Variants in ZIM2 observed in about 807,000 individuals in gnomAD.
ZIM2 encodes zinc finger imprinted 2, also known as zinc finger protein 656.
In ZIM2, 14 loss-of-function variants were observed where a neutral mutation model predicts 38.6. The ratio of observed to expected loss-of-function variants is 0.36; its 90% CI spans 0.24 to 0.57. The LOEUF (loss-of-function observed/expected upper bound fraction) is 0.57, where lower values mean the gene tolerates loss of function less well. Ranked by LOEUF, ZIM2 falls within the 20% of genes least tolerant of loss-of-function variation. The pLI, the probability that ZIM2 is intolerant of heterozygous loss-of-function variation, is 0.81. For synonymous variants in ZIM2, 247 were observed against 245.8 expected (o/e 1.00, Z -0.04); for missense variants, 680 against 695.1 (o/e 0.98, Z 0.24).
At chr19:56,805,788 G>A (rs557694591) in intron 9 of ZIM2, among the ~76,000 whole-genome samples, 62 of 152,250 alleles carry the variant, frequency 4.1e-4, no homozygotes, top group South Asian at 3.5e-3. Flanking sequence ...ATTAAAGGAG[G>A]CTACTTTACA....
At position 56,811,814 on chromosome 19, in the gene ZIM2, C is replaced by T. The variant is rs8103783; in HGVS notation, c.490+5932G>A. 3,642 of 985,506 alleles carry T rather than the reference C, an allele frequency of 3.7e-3. 89 individuals carry two copies. In the African/African-American group the frequency reaches 0.055, roughly 15 times the overall value. 61.0% of individuals were successfully genotyped at this position (985,506 alleles called of 1,614,324 possible). ...CTTTTCCAAACTGCTCAGGACACCC[C>T]GCTCAATTCATTCTCAGAAACCTGG... On this transcript the variant is annotated intron_variant, in intron 9 of 12. Coordinates refer to ENST00000629319, the MANE Select transcript of ZIM2 (RefSeq NM_001387356.1).
At chr19:56,792,836 C>A (rs116967290) in intron 9 of ZIM2, among the ~76,000 whole-genome samples, 1,937 of 152,216 alleles carry the variant, frequency 0.013, 44 homozygotes, top group Non-Finnish European at 0.015. Context: ...ACCCAAACAC[C>A]AAATTTCTTT....
intron 9 of ZIM2, chr19:56,811,468 G>T: frequency 1.0e-6 from 1 of 968,588 alleles, no homozygotes; most frequent in Non-Finnish European, 1.2e-6. Context: ...TTTTTAAACA[G>T]TTGCATTAAG....
At chr19:56,816,569 T>C (rs1337674411) in intron 9 of ZIM2, 1 of 1,614,084 alleles carries the variant, frequency 6.2e-7, no homozygotes, top group Admixed American at 1.7e-5. Flanking sequence ...TCGTACATTT[T>C]CTCTTTACCA....
At position 56,788,080 on chromosome 19, in the gene ZIM2, G is replaced by A. The variant is rs890433929; in HGVS notation, c.570+1792C>T. Among the ~76,000 whole-genome samples, 20 of 150,376 alleles carry A rather than the reference G, an allele frequency of 1.3e-4. No individual in the cohort carries two copies. The East Asian group carries it at 3.7e-3, about 28-fold the overall frequency. On this transcript the variant is annotated intron_variant, in intron 10 of 12. Transcript: ENST00000629319. ...CTGGAGTCATTGATTTTTTTTGAAG[G>A]GTTTTTTTTTTTGTCTGTATCTCCT... is the stretch of plus-strand genomic sequence containing the variant.
rs113121836 is a variant in ZIM2, at chr19:56,794,573, A to G, written c.491-4622T>C. On this transcript the variant is annotated intron_variant, in intron 9 of 12. Transcript: ENST00000629319. ...AGACAAAAGGGATAAACTGTTTTTA[A>G]AAGTTCTTGACACAATCTGCCAAAT... 2.5e-3 allele frequency among the ~76,000 whole-genome samples: 383 copies of G among 152,332 alleles called. 1 individual carries two copies. The highest frequency in any genetic ancestry group is 6.8e-3 in the Middle Eastern group (2 of 294).
intron 2 of ZIM2, among the ~76,000 whole-genome samples, chr19:56,828,268 TA>T (rs1482347132): frequency 6.6e-6 from 1 of 152,170 alleles, no homozygotes; most frequent in Non-Finnish European, 1.5e-5. Flanking sequence ...TAGAAAACCC[TA>T]AAGAATCAAC....
chr19:56,836,944 T>C (rs2062183121), intron 1 of ZIM2, among the ~76,000 whole-genome samples: 2 of 130,742 alleles, frequency 1.5e-5, no homozygotes, highest in African/African-American at 6.1e-5. Context: ...CACTCCAGCC[T>C]GGGTGAGAGG....
chr19:56,824,877 G>T, intron 3 of ZIM2: 1 of 528,570 alleles, frequency 1.9e-6, no homozygotes, highest in Non-Finnish European at 3.4e-6. Context: ...ACCGCACAAA[G>T]TTGGCCTCAG....
intron 2 of ZIM2, among the ~76,000 whole-genome samples, chr19:56,834,376 T>G (rs911671879): frequency 1.3e-5 from 2 of 152,160 alleles, no homozygotes; most frequent in Non-Finnish European, 2.9e-5. Flanking sequence ...ACCAGCGCTA[T>G]TAAAGCTCAC....
rs375998004 is a variant in ZIM2 at position 56,775,216 on chromosome 19, C to G, written c.1149G>C (p.Gly383=). Residue 383 remains glycine (G), a synonymous_variant, in exon 13 of 13, where the codon GGG becomes GGC. Coordinates refer to ENST00000629319, the MANE Select transcript of ZIM2 (RefSeq NM_001387356.1). ...ALRRHERIHT[G]KKPYECKQCA... is the part of the protein sequence containing the mutation. ...ACTGTTTACATTCATAGGGTTTCTT[C>G]CCAGTATGGATCCGTTCGTGTCTCC... 6.2e-6 allele frequency: 10 copies of G among 1,614,110 alleles called. No homozygotes were observed. Among genetic ancestry groups the G allele is most frequent in the East Asian group, 2.2e-5 (1 of 44,870 alleles).
intron 10 of ZIM2, among the ~76,000 whole-genome samples, chr19:56,788,835 C>T (rs1600742304): frequency 6.6e-6 from 1 of 151,652 alleles, no homozygotes; most frequent in East Asian, 1.9e-4. Flanking sequence ...TTCTTGGAGG[C>T]TTTGTTCATT....
chr19:56,816,409 G>C (rs756738035), intron 9 of ZIM2: 1 of 1,613,910 alleles, frequency 6.2e-7, no homozygotes, highest in African/African-American at 1.3e-5. Context: ...CTTATTGTAA[G>C]TTTTCTGACG....
In ZIM2 at chr19:56,814,055, C is replaced by A; in HGVS notation, c.490+3691G>T. On this transcript the variant is annotated intron_variant, in intron 9 of 12. Transcript: ENST00000629319. The surrounding 1 kb of genome is among the most constrained non-coding windows in gnomAD (Gnocchi z 5.8). ...TTTCCCTCTGGCTCTTCAGCTCTTT[C>A]TTCTGGGTCTTCAATACCTGCACCA... 1 of 1,614,202 alleles carries A rather than the reference C, an allele frequency of 6.2e-7. No individual in the cohort carries two copies. The highest frequency in any genetic ancestry group is 8.5e-7 in the Non-Finnish European group (1 of 1,180,048).
chr19:56,828,200 A>T (rs916136400), intron 2 of ZIM2, among the ~76,000 whole-genome samples: 1 of 152,054 alleles, frequency 6.6e-6, no homozygotes, highest in Non-Finnish European at 1.5e-5. Flanking sequence ...CACCATCCAC[A>T]GCTTGAATCC....
intron 9 of ZIM2, chr19:56,791,298 C>A (rs1471794858): frequency 6.6e-6 from 1 of 152,046 alleles, no homozygotes; most frequent in Non-Finnish European, 1.5e-5. Flanking sequence ...TCCTGGTCTA[C>A]GAAATGAAGG....
In ZIM2 at chr19:56,824,336, C is replaced by T. The variant is rs376020685; in HGVS notation, c.-59G>A. On this transcript the variant is annotated 5_prime_UTR_variant, in exon 4 of 13. Coordinates refer to ENST00000629319, the MANE Select transcript of ZIM2 (RefSeq NM_001387356.1). ...CTCACAGTTCTCCGGCTTTTTTGCT[C>T]GCACCCAAGGCTTGAGCTTTTCAGG... is the stretch of plus-strand genomic sequence containing the variant. The T allele has an allele frequency of 1.2e-5, 19 of 1,613,910 alleles. No individual in the cohort carries two copies. The highest frequency in any genetic ancestry group is 1.1e-4 in the African/African-American group (8 of 74,878).
At chr19:56,792,553 AAAAAG>A in intron 9 of ZIM2, among the ~76,000 whole-genome samples, 1 of 151,024 alleles carries the variant, frequency 6.6e-6, no homozygotes. Context: ...AAAAAAAAAA[AAAAAG>A]AGAAAACCAA....
At chr19:56,817,221 T>G (rs2060060677) in intron 9 of ZIM2, 1 of 1,614,068 alleles carries the variant, frequency 6.2e-7, no homozygotes, top group South Asian at 1.1e-5. Flanking sequence ...GACAGCCTTT[T>G]TGATCGTGAA....
Sources: allele counts gnomAD v4.1 joint callset (sites outside exome capture counted in the v4.1 genomes callset), GRCh38; gene constraint gnomAD v4.1.1; non-coding constraint Gnocchi (gnomAD v3.1); transcripts MANE v1.5; gene names NCBI Gene and HGNC (gene_info 2026-07-23, HGNC 2026-07-21).